Variants in MBTD1 observed in about 807,000 individuals in gnomAD.
The protein encoded by MBTD1 is mbt domain containing 1, also known as MBT domain-containing protein 1.
Under a neutral mutation model 87.8 loss-of-function variants are expected in MBTD1, and 24 were observed. The observed-to-expected ratio is 0.27, with a 90% CI of 0.20 to 0.38. MBTD1 has a LOEUF of 0.38. MBTD1 is among the 10% of genes least tolerant of loss of function. MBTD1 has a pLI of 1.00. For missense variants in MBTD1, 436 were observed against 760.2 expected (o/e 0.57, Z 5.02); for synonymous variants, 237 against 248.6 (o/e 0.95, Z 0.44).
chr17:51,215,428 T>C (rs1432380845), intron 6 of MBTD1, among the ~76,000 whole-genome samples: 2 of 152,114 alleles, frequency 1.3e-5, no homozygotes, highest in Non-Finnish European at 2.9e-5. Flanking sequence ...CCTGACTACT[T>C]ACAGAAAACA....
chr17:51,189,429 T>C (rs552394023), intron 16 of MBTD1, among the ~76,000 whole-genome samples: 1 of 152,336 alleles, frequency 6.6e-6, no homozygotes, highest in East Asian at 1.9e-4. Flanking sequence ...AATTCATTTT[T>C]TCAGTGAATC....
chr17:51,242,242 T>G lies in MBTD1; in HGVS notation c.-49+16901A>C, dbSNP rs2054199375. On this transcript the variant is annotated intron_variant, in intron 2 of 16. Transcript: ENST00000586178. ...GTGACATATATATACACACATGTAT[T>G]TTAGAAAATTATGAGTTCACACTTA... Among the ~76,000 whole-genome samples, 3 of 152,222 alleles carry G rather than the reference T, an allele frequency of 2.0e-5. No homozygotes were observed. In the South Asian group the frequency reaches 6.2e-4, roughly 31 times the overall value.
intron 2 of MBTD1, among the ~76,000 whole-genome samples, chr17:51,241,958 A>C (rs986808832): frequency 6.6e-6 from 1 of 151,382 alleles, no homozygotes; most frequent in African/African-American, 2.4e-5. Context: ...CTTAAAGCCT[A>C]CTCCTGTGTC....
At chr17:51,222,957 T>G (rs951993728) in intron 3 of MBTD1, among the ~76,000 whole-genome samples, 3 of 151,868 alleles carry the variant, frequency 2.0e-5, no homozygotes, top group Non-Finnish European at 4.4e-5. Context: ...CATGACACCA[T>G]GCCCAGCTAA....
chr17:51,189,632 T>G (rs2050706196), intron 16 of MBTD1, among the ~76,000 whole-genome samples: 1 of 152,248 alleles, frequency 6.6e-6, no homozygotes, highest in African/African-American at 2.4e-5. Context: ...AGATAAGTTC[T>G]AAAAAGCAAT....
At chr17:51,247,708 C>T (rs1004612351) in intron 2 of MBTD1, among the ~76,000 whole-genome samples, 2 of 152,158 alleles carry the variant, frequency 1.3e-5, no homozygotes, top group Admixed American at 1.3e-4. Context: ...CCTTGGCCTC[C>T]CAAAATGCTG....
intron 2 of MBTD1, among the ~76,000 whole-genome samples, chr17:51,236,583 T>C (rs1381469616): frequency 6.6e-6 from 1 of 152,130 alleles, no homozygotes; most frequent in Non-Finnish European, 1.5e-5. Context: ...CTCATCAAGG[T>C]TAGTCTTGTT....
At chr17:51,260,502 C>G, upstream of MBTD1, 1 of 1,428,612 alleles carries the variant, frequency 7.0e-7, no homozygotes, top group Non-Finnish European at 9.3e-7. Context: ...CCCGGGGCTT[C>G]GGCGGCGGCG....
intron 2 of MBTD1, among the ~76,000 whole-genome samples, chr17:51,229,919 A>C (rs2053458306): frequency 6.6e-6 from 1 of 152,098 alleles, no homozygotes; most frequent in Admixed American, 6.6e-5. Context: ...CGGCCTCCCA[A>C]AATGCTGGGA....
At chr17:51,202,205 A>G in intron 10 of MBTD1, 128 bp from the exon 11 acceptor site, 3 of 646,382 alleles carry the variant, frequency 4.6e-6, no homozygotes, top group South Asian at 3.6e-5. Context: ...TGCCTTCTAC[A>G]TTTGGGGTGA....
Position 51,192,775 on chromosome 17 carries a change from A to T in MBTD1, c.1690+7T>A. The T allele has an allele frequency of 6.2e-7, 1 of 1,613,988 alleles. No individual in the cohort carries two copies. The highest frequency in any genetic ancestry group is 8.5e-7 in the Non-Finnish European group (1 of 1,179,912). The stretch of plus-strand genomic sequence containing the variant: ...CAAAAGGACACCTTTTCTGTATACC[A>T]ACTTACACTGTGATGCTGGAGGCTG... On this transcript the variant is annotated splice_region_variant and intron_variant, in intron 15 of 16. Transcript: ENST00000586178.
chr17:51,179,500 A>ATT lies in MBTD1; in HGVS notation c.*1075_*1076insAA, dbSNP rs1386742366. On this transcript the variant is annotated 3_prime_UTR_variant, in exon 17 of 17. Coordinates refer to ENST00000586178, the MANE Select transcript of MBTD1 (RefSeq NM_017643.3). ...AAGACAATTTTATATATATATATAT[A>ATT]TATATATATATATATATATATATAT... 1.3e-3 allele frequency: 77 copies of ATT among 58,522 alleles called. 2 individuals carry two copies. The highest frequency in any genetic ancestry group is 5.9e-3 in the African/African-American group (68 of 11,436). The allele number at this position is 58,522 out of a possible 1,614,324, so 3.6% of individuals were successfully genotyped here. A position where few individuals can be genotyped will look rare whatever the true frequency, so the allele number is the denominator to read the frequency against.
chr17:51,197,263 G>A (rs1312616804), intron 12 of MBTD1, among the ~76,000 whole-genome samples: 2 of 150,172 alleles, frequency 1.3e-5, no homozygotes, highest in African/African-American at 4.9e-5. Flanking sequence ...CACCACACCC[G>A]ACTTATTTTT....
rs2050222905 is a variant in MBTD1, at chr17:51,179,513, T to TATAC, written c.*1062_*1063insGTAT. ...ATATATATATATATATATATATATA[T>TATAC]ATATATATATATATATATATATATG... is the stretch of plus-strand genomic sequence containing the variant. On this transcript the variant is annotated 3_prime_UTR_variant, in exon 17 of 17. Coordinates refer to ENST00000586178, the MANE Select transcript of MBTD1 (RefSeq NM_017643.3). 1.0e-5 allele frequency: 1 copy of TATAC among 98,992 alleles called. No individual in the cohort carries two copies. Among genetic ancestry groups the TATAC allele is most frequent in the African/African-American group, 3.8e-5 (1 of 25,978 alleles). The allele number at this position is 98,992 out of a possible 1,614,324, so 6.1% of individuals were successfully genotyped here.
chr17:51,205,686 T>C (rs111263340), intron 7 of MBTD1, among the ~76,000 whole-genome samples: 2,854 of 152,286 alleles, frequency 0.019, 88 homozygotes, highest in African/African-American at 0.064. Context: ...AGATCATTTA[T>C]GCTGGAGAAC....
At chr17:51,249,208 C>A (rs560289658) in intron 2 of MBTD1, among the ~76,000 whole-genome samples, 1 of 151,702 alleles carries the variant, frequency 6.6e-6, no homozygotes, top group Non-Finnish European at 1.5e-5. Flanking sequence ...TGCAGTGAGC[C>A]GTGATCATGC....
Position 51,192,276 on chromosome 17 carries a change from T to C in MBTD1, c.1695A>G (p.Ser565=), listed in dbSNP as rs1030146958. The change falls in exon 16 of 17, where the codon TCA becomes TCG. Residue 565 remains serine, a synonymous_variant. Transcript: ENST00000586178. ...YQLQPPASQS[S]RENQSASSKQ... ...TTGATGAAGCTGATTGGTTTTCTCT[T>C]GATGCTGAAAAATAAAAAGGGAAAA... The C allele has an allele frequency of 1.0e-5, 16 of 1,550,196 alleles. No individual in the cohort carries two copies. In the African/African-American group the frequency reaches 1.9e-4, roughly 19 times the overall value.
intron 2 of MBTD1, among the ~76,000 whole-genome samples, chr17:51,248,566 T>C (rs895121160): frequency 3.9e-5 from 6 of 152,246 alleles, no homozygotes; most frequent in Admixed American, 3.3e-4. Flanking sequence ...CTGAGTTCTA[T>C]TAGCTTTGGC....
rs559782640 is a variant in MBTD1, at chr17:51,208,666, G to A, written c.487-1661C>T. Reference sequence around the variant, plus strand: ...TGTCTGGTTACCAAATCTGTGAATTGGGTTTATTTTTCACTGAGAAGAAAG... The same window carrying A: ...TGTCTGGTTACCAAATCTGTGAATTAGGTTTATTTTTCACTGAGAAGAAAG... On this transcript the variant is annotated intron_variant, in intron 6 of 16. Coordinates refer to ENST00000586178, the MANE Select transcript of MBTD1 (RefSeq NM_017643.3). Among the ~76,000 whole-genome samples the A allele has an allele frequency of 2.2e-4, 34 of 152,232 alleles. No individual in the cohort carries two copies. The South Asian group carries it at 4.8e-3, about 21-fold the overall frequency.
Sources: allele counts gnomAD v4.1 joint callset (sites outside exome capture counted in the v4.1 genomes callset), GRCh38; gene constraint gnomAD v4.1.1; transcripts MANE v1.5; gene names NCBI Gene and HGNC (gene_info 2026-07-23, HGNC 2026-07-21).